Variants in IL21R observed in about 807,000 individuals in gnomAD.
IL21R encodes the protein interleukin 21 receptor.
A neutral mutation model predicts 41.3 loss-of-function variants in IL21R; 14 were observed. That is an observed-to-expected ratio of 0.34 (90% CI 0.22 to 0.53). The LOEUF is 0.53. IL21R is among the 20% of genes least tolerant of loss of function. The pLI is 0.94. For synonymous variants in IL21R, 286 were observed against 287.6 expected, an observed-to-expected ratio of 0.99 and a Z score of 0.05; for missense variants, 588 against 681.6, an observed-to-expected ratio of 0.86 and a Z score of 1.53.
chr16:27,430,799 C>T (rs914653715), intron 2 of IL21R, among the ~76,000 whole-genome samples: 6 of 152,106 alleles, frequency 3.9e-5, no homozygotes, highest in Admixed American at 1.3e-4. Context: ...GGCAACAGAG[C>T]GAGACCCTGT....
chr16:27,413,171 G>A (rs1202778762), intron 1 of IL21R, among the ~76,000 whole-genome samples: 3 of 152,094 alleles, frequency 2.0e-5, no homozygotes, highest in African/African-American at 7.2e-5. Context: ...TCTTTATCAT[G>A]AAAGAGTATT....
chr16:27,430,191 C>A, intron 2 of IL21R, 71 bp downstream of exon 2: 2 of 1,369,502 alleles, frequency 1.5e-6, no homozygotes, highest in Non-Finnish European at 2.0e-6. Flanking sequence ...GCCGGGCTGG[C>A]TTTCTGGGCT....
intron 1 of IL21R, among the ~76,000 whole-genome samples, chr16:27,417,916 C>T (rs11074858): frequency 0.26 from 40,121 of 151,634 alleles, 6,159 homozygotes; most frequent in East Asian, 0.6. Flanking sequence ...CTCCTGTAAA[C>T]TTTATCAACA....
At chr16:27,415,444 C>T (rs999085283) in intron 1 of IL21R, among the ~76,000 whole-genome samples, 32 of 152,250 alleles carry the variant, frequency 2.1e-4, no homozygotes, top group African/African-American at 6.0e-4. Flanking sequence ...AAAAGCAGAC[C>T]GGTCAAGAAA....
intron 1 of IL21R, among the ~76,000 whole-genome samples, chr16:27,417,163 C>CTTTTTTTTTTTTTTT (rs577149386): frequency 1.6e-5 from 2 of 126,624 alleles, no homozygotes; most frequent in African/African-American, 6.0e-5. Flanking sequence ...TTTTTCTTTT[C>CTTTTTTTTTTTTTTT]TTTTTTTTTT....
In IL21R at chr16:27,437,704, C is replaced by T; in HGVS notation, c.352+17C>T. 1.2e-6 allele frequency: 2 copies of T among 1,608,886 alleles called. No individual in the cohort carries two copies. Among genetic ancestry groups the T allele is most frequent in the African/African-American group, 1.3e-5 (1 of 74,930 alleles). On this transcript the variant is annotated intron_variant, in intron 4 of 8. Coordinates refer to ENST00000337929, the MANE Select transcript of IL21R (RefSeq NM_181078.3). ...CTGAGAGCAGTGAGTATCCTGGGAC[C>T]CCAGGCTTAGGGTGGCACTCAATCT...
At position 27,443,005 on chromosome 16, in the gene IL21R, A is replaced by G; in HGVS notation, c.396A>G (p.Gly132=). Residue 132 remains glycine (G), a synonymous_variant, in exon 5 of 9, where the codon GGA becomes GGG. Coordinates refer to ENST00000337929, the MANE Select transcript of IL21R (RefSeq NM_181078.3). The part of the protein sequence containing the change: ...PPFNVTVTFS[G]QYNISWRSDY... ...TCAACGTGACTGTGACCTTCTCAGG[A>G]CAGTATAATATCTCCTGGCGCTCAG... 1 of 1,613,586 alleles carries G rather than the reference A, an allele frequency of 6.2e-7. No homozygotes were observed. Among genetic ancestry groups the G allele is most frequent in the East Asian group, 2.2e-5 (1 of 44,842 alleles).
intron 8 of IL21R, among the ~76,000 whole-genome samples, chr16:27,446,496 G>C (rs567943850): frequency 6.6e-6 from 1 of 151,934 alleles, no homozygotes; most frequent in East Asian, 1.9e-4. Context: ...CCAGCAACTC[G>C]GGAGGCTGAG....
chr16:27,437,752 C>G, intron 4 of IL21R, 65 bp downstream of exon 4: 1 of 1,336,618 alleles, frequency 7.5e-7, no homozygotes, highest in East Asian at 2.4e-5. Flanking sequence ...GCCCTGACCT[C>G]TCTGGGCTCA....
intron 1 of IL21R, among the ~76,000 whole-genome samples, chr16:27,414,104 C>T (rs1382979085): frequency 1.3e-5 from 2 of 150,494 alleles, no homozygotes; most frequent in African/African-American, 2.4e-5. Flanking sequence ...TTTGTTTTTG[C>T]CCTGACCTCA....
At chr16:27,437,255 C>T (rs1279016687) in intron 3 of IL21R, among the ~76,000 whole-genome samples, 2 of 152,142 alleles carry the variant, frequency 1.3e-5, no homozygotes, top group Non-Finnish European at 2.9e-5. Context: ...GAGTTCCTGG[C>T]CCCTGGGAGG....
intron 1 of IL21R, among the ~76,000 whole-genome samples, chr16:27,420,123 CAA>C (rs1423339843): frequency 6.6e-6 from 1 of 152,082 alleles, no homozygotes; most frequent in African/African-American, 2.4e-5. Context: ...GTCCTGACCT[CAA>C]ATGATCTGCC....
chr16:27,412,691 C>T (rs2086840390), intron 1 of IL21R, among the ~76,000 whole-genome samples: 2 of 151,970 alleles, frequency 1.3e-5, no homozygotes, highest in Admixed American at 6.6e-5. Context: ...AGTCTTTCTC[C>T]TCCTTGGCTA....
At position 27,445,401 on chromosome 16, in the gene IL21R, C is replaced by T. The variant is rs1460425121; in HGVS notation, c.785+125C>T. ...ACAATGATGATGATGGGATAATAAC[C>T]AACTCACAGCCACCATGTGCTGGAC... On this transcript the variant is annotated intron_variant, in intron 7 of 8. Transcript: ENST00000337929. 57 of 682,908 alleles carry T rather than the reference C, an allele frequency of 8.3e-5. 1 individual carries two copies. The highest frequency in any genetic ancestry group is 4.7e-5 in the Non-Finnish European group (18 of 380,208). 42.3% of individuals were successfully genotyped at this position (682,908 alleles called of 1,614,324 possible).
At chr16:27,427,405 G>GT (rs2087097695) in intron 1 of IL21R, 1 of 846,108 alleles carries the variant, frequency 1.2e-6, no homozygotes, top group Non-Finnish European at 1.4e-6. Context: ...TTGTCTGTTT[G>GT]TTTTTTTAAA....
At chr16:27,415,140 T>C (rs1453521113) in intron 1 of IL21R, among the ~76,000 whole-genome samples, 4 of 152,184 alleles carry the variant, frequency 2.6e-5, no homozygotes, top group Admixed American at 2.6e-4. Flanking sequence ...GAGGACCAAC[T>C]ATTAACAGCC....
Position 27,406,178 on chromosome 16 carries a change from G to A in IL21R, c.-17+3560G>A, listed in dbSNP as rs148257189. On this transcript the variant is annotated intron_variant, in intron 1 of 8. Transcript: ENST00000337929. ...CAGGGCGGGCTGATGGGGGCTGCTG[G>A]GAACTGAGGGGAGAGAGACGGTGGG... is the stretch of plus-strand genomic sequence containing the variant. 6.6e-4 allele frequency among the ~76,000 whole-genome samples: 100 copies of A among 152,396 alleles called. 1 individual carries two copies. Among genetic ancestry groups the A allele is most frequent in the African/African-American group, 2.1e-3 (89 of 41,600 alleles).
At chr16:27,406,737 T>A (rs1299281056) in intron 1 of IL21R, among the ~76,000 whole-genome samples, 2 of 151,632 alleles carry the variant, frequency 1.3e-5, no homozygotes, top group Non-Finnish European at 2.9e-5. Flanking sequence ...CACCTAATAC[T>A]AACCACACTA....
chr16:27,439,804 T>C (rs1313259498), intron 4 of IL21R, among the ~76,000 whole-genome samples: 1 of 152,158 alleles, frequency 6.6e-6, no homozygotes, highest in African/African-American at 2.4e-5. Flanking sequence ...GAAGTGATTT[T>C]CTAACCACCT....
Sources: allele counts gnomAD v4.1 joint callset (sites outside exome capture counted in the v4.1 genomes callset), GRCh38; gene constraint gnomAD v4.1.1; transcripts MANE v1.5; gene names NCBI Gene and HGNC (gene_info 2026-07-23, HGNC 2026-07-21).